Variants in FBXO11 observed in about 807,000 individuals in gnomAD.
FBXO11 encodes F-box only protein 11.
FBXO11 carries 13 observed loss-of-function variants against 117.0 expected under a neutral mutation model. The ratio of observed to expected loss-of-function variants is 0.11; its 90% CI spans 0.07 to 0.18. The LOEUF (loss-of-function observed/expected upper bound fraction) is 0.18, where lower values mean the gene tolerates loss of function less well. FBXO11 is among the 10% of genes least tolerant of loss of function. The pLI is 1.00. For missense variants in FBXO11, 767 were observed against 1,164.4 expected (o/e 0.66, Z 4.97); for synonymous variants, 490 against 380.5 (o/e 1.29, Z -3.35).
At chr2:47,830,597 A>G (rs981426311) in intron 11 of FBXO11, among the ~76,000 whole-genome samples, 5 of 152,372 alleles carry the variant, frequency 3.3e-5, no homozygotes, top group African/African-American at 9.6e-5. Flanking sequence ...TACTTTATAA[A>G]TCTTAAAATG....
intron 12 of FBXO11, among the ~76,000 whole-genome samples, chr2:47,822,708 A>G (rs1671475695): frequency 1.3e-5 from 2 of 152,244 alleles, no homozygotes; most frequent in South Asian, 4.1e-4. Flanking sequence ...GGAAAATGAC[A>G]GCTTGCAGTT....
rs182024679 is a variant in FBXO11, at chr2:47,823,196, A to G, written c.1563T>C (p.Tyr521=). Residue 521 remains tyrosine, a synonymous_variant, in exon 12 of 23, where the codon TAT becomes TAC. Transcript: ENST00000403359. ...GRGQFIENKI[Y]ANNFAGVWIT... ...TCCATACACCTGCAAAGTTGTTTGCATAGATTTTATTCTCTATGAATTGTC... is the reference window on the plus strand; with the variant it reads ...TCCATACACCTGCAAAGTTGTTTGCGTAGATTTTATTCTCTATGAATTGTC... 2.3e-5 allele frequency: 37 copies of G among 1,614,072 alleles called. No individual in the cohort carries two copies. The Admixed American group carries it at 3.3e-4, about 15-fold the overall frequency.
chr2:47,826,251 G>A (rs887154329), intron 11 of FBXO11, among the ~76,000 whole-genome samples: 1 of 151,716 alleles, frequency 6.6e-6, no homozygotes. Flanking sequence ...TAGAGACAGG[G>A]TTTCACCATG....
chr2:47,865,681 C>T (rs999319653), intron 1 of FBXO11: 9 of 152,294 alleles, frequency 5.9e-5, no homozygotes, highest in African/African-American at 1.7e-4. Flanking sequence ...AAAGTAAAAA[C>T]ACTCTACATT....
At chr2:47,877,546 G>T (rs573991159) in intron 1 of FBXO11, among the ~76,000 whole-genome samples, 1 of 151,998 alleles carries the variant, frequency 6.6e-6, no homozygotes, top group Non-Finnish European at 1.5e-5. Flanking sequence ...CTGTATTTTC[G>T]AATTTTTGTT....
chr2:47,851,426 A>G (rs1673851399), intron 1 of FBXO11, among the ~76,000 whole-genome samples: 1 of 152,002 alleles, frequency 6.6e-6, no homozygotes. Context: ...ATGGGGTTTC[A>G]CTATGCTGGC....
At chr2:47,889,170 A>G (rs1260621468) in intron 1 of FBXO11, among the ~76,000 whole-genome samples, 2 of 152,308 alleles carry the variant, frequency 1.3e-5, no homozygotes, top group East Asian at 3.9e-4. Flanking sequence ...TAACACCAAT[A>G]TGACTGCTTC....
chr2:47,813,275 T>C lies in FBXO11; in HGVS notation c.2186A>G (p.Asp729Gly). The C allele has an allele frequency of 6.2e-7, 1 of 1,613,474 alleles. No individual in the cohort carries two copies. The highest frequency in any genetic ancestry group is 2.2e-5 in the East Asian group (1 of 44,790). Reference sequence around the variant, plus strand: ...TATACAGATGCCACCATCTCTTCCATCATGGATTTTATTTCTTCTTAGTGT... The same window carrying C: ...TATACAGATGCCACCATCTCTTCCACCATGGATTTTATTTCTTCTTAGTGT... ...NPTLRRNKIH[D>G]GRDGGICIFN... The change falls in exon 18 of 23, where the codon GAT becomes GGT. Residue 729 changes from aspartate (D) to glycine (G), a missense_variant. Around this residue, in one of 10 missense-constraint regions of FBXO11, gnomAD observed 42 missense variants for 216.8 expected, o/e 0.19. Transcript: ENST00000403359.
chr2:47,809,436 A>G, intron 20 of FBXO11, 164 bp downstream of exon 20: 2 of 685,872 alleles, frequency 2.9e-6, no homozygotes, highest in East Asian at 2.7e-5. Flanking sequence ...TTCCTTGTAT[A>G]AGATACTCCA....
At chr2:47,872,716 G>C in intron 1 of FBXO11, among the ~76,000 whole-genome samples, 1 of 152,136 alleles carries the variant, frequency 6.6e-6, no homozygotes, top group East Asian at 1.9e-4. Flanking sequence ...CCACATACCT[G>C]ACATGGGATA....
intron 1 of FBXO11, among the ~76,000 whole-genome samples, chr2:47,875,527 T>C (rs943876891): frequency 6.6e-6 from 1 of 151,628 alleles, no homozygotes; most frequent in African/African-American, 2.4e-5. Flanking sequence ...GTATAAATAA[T>C]TGATAAGTAA....
intron 15 of FBXO11, 25 bp from the exon 16 acceptor site, chr2:47,818,889 G>C (rs1444852566): frequency 2.1e-6 from 3 of 1,442,802 alleles, no homozygotes; most frequent in African/African-American, 3.0e-5. Flanking sequence ...AAAAAAAAAA[G>C]CTTTTTCAAG....
At chr2:47,873,563 G>C (rs1012024878) in intron 1 of FBXO11, among the ~76,000 whole-genome samples, 1 of 151,854 alleles carries the variant, frequency 6.6e-6, no homozygotes, top group Non-Finnish European at 1.5e-5. Context: ...CCCTACATAT[G>C]GCCCTCAAAG....
intron 15 of FBXO11, 42 bp downstream of exon 15, chr2:47,818,914 A>C (rs1671190878): frequency 6.3e-7 from 1 of 1,586,140 alleles, no homozygotes. Flanking sequence ...AAGTATTTAC[A>C]AAACAATGTA....
chr2:47,806,935 C>G lies in FBXO11; in HGVS notation c.*1183G>C. 8.8e-7 allele frequency: 1 copy of G among 1,133,820 alleles called. No homozygotes were observed. Among genetic ancestry groups the G allele is most frequent in the East Asian group, 2.4e-5 (1 of 41,870 alleles). 70.2% of individuals were successfully genotyped at this position (1,133,820 alleles called of 1,614,324 possible). A position where few individuals can be genotyped will look rare whatever the true frequency, so the allele number is the denominator to read the frequency against. On this transcript the variant is annotated 3_prime_UTR_variant, in exon 23 of 23. Coordinates refer to ENST00000403359, the MANE Select transcript of FBXO11 (RefSeq NM_001190274.2). ...TCAGACAACATTATGATCTAATAAA[C>G]TTTATTTTTTAAAAATGACCATTTT...
At chr2:47,874,188 C>T (rs564754595) in intron 1 of FBXO11, among the ~76,000 whole-genome samples, 12 of 151,806 alleles carry the variant, frequency 7.9e-5, no homozygotes, top group South Asian at 6.3e-4. Flanking sequence ...CACTCCAGTC[C>T]GGACGATAGT....
In FBXO11 at chr2:47,893,553, A is replaced by T. The variant is rs1021392147; in HGVS notation, c.232+11936T>A. The stretch of plus-strand genomic sequence containing the variant: ...AAAAACCAGAAGACAATGAAAATAA[A>T]ACCAAGAAGCTTACTTGCAATTCAG... On this transcript the variant is annotated intron_variant, in intron 1 of 22. Coordinates refer to ENST00000403359, the MANE Select transcript of FBXO11 (RefSeq NM_001190274.2). Among the ~76,000 whole-genome samples the T allele has an allele frequency of 3.3e-5, 5 of 152,302 alleles. No homozygotes were observed. The East Asian group carries it at 7.7e-4, about 24-fold the overall frequency.
intron 18 of FBXO11, chr2:47,812,708 T>A (rs907022164): frequency 1.2e-5 from 2 of 160,490 alleles, no homozygotes; most frequent in African/African-American, 4.8e-5. Context: ...GCTCTGTGAA[T>A]CTCTGTATAC....
At chr2:47,893,127 C>G (rs923034138) in intron 1 of FBXO11, among the ~76,000 whole-genome samples, 6 of 151,806 alleles carry the variant, frequency 4.0e-5, no homozygotes, top group Non-Finnish European at 8.8e-5. Context: ...GCACTCCAGC[C>G]TGGATGACAC....
Sources: allele counts gnomAD v4.1 joint callset (sites outside exome capture counted in the v4.1 genomes callset), GRCh38; gene constraint gnomAD v4.1.1; regional missense constraint gnomAD v4.1.1; transcripts MANE v1.5; gene names NCBI Gene and HGNC (gene_info 2026-07-23, HGNC 2026-07-21).